KIF9: variants seen among roughly 807,000 people sequenced by gnomAD.
KIF9 encodes kinesin-like protein KIF9.
A neutral mutation model predicts 94.8 loss-of-function variants in KIF9; 68 were observed. The ratio of observed to expected loss-of-function variants is 0.72; its 90% CI spans 0.59 to 0.88. KIF9 has a LOEUF of 0.88. KIF9 is among the 40% of genes least tolerant of loss of function. The pLI is 0.00. For synonymous variants in KIF9, 343 were observed against 362.1 expected (o/e 0.95, Z 0.60); for missense variants, 882 against 982.5 (o/e 0.90, Z 1.37).
chr3:47,262,274 G>GTTT (rs549931720), intron 9 of KIF9, among the ~76,000 whole-genome samples: 1 of 143,774 alleles, frequency 7.0e-6, no homozygotes, highest in Non-Finnish European at 1.5e-5. Context: ...GGGTTTTTTT[G>GTTT]TTTTTTTTTT....
intron 20 of KIF9, among the ~76,000 whole-genome samples, chr3:47,231,114 GA>G (rs1424369289): frequency 1.3e-5 from 2 of 152,108 alleles, no homozygotes; most frequent in Non-Finnish European, 2.9e-5. Context: ...AAGAGATACA[GA>G]GGACAGAATG....
At chr3:47,239,483 G>T in intron 17 of KIF9, 2 of 920,164 alleles carry the variant, frequency 2.2e-6, no homozygotes, top group Non-Finnish European at 2.7e-6. Context: ...CCCGTGGAGG[G>T]CTTTGCCCTC....
chr3:47,282,348 G>C, intron 1 of KIF9, 147 bp downstream of exon 1: 2 of 986,018 alleles, frequency 2.0e-6, no homozygotes, highest in Non-Finnish European at 2.4e-6. Flanking sequence ...GCGACGTCGA[G>C]CCCTCCTTCG....
At position 47,241,661 on chromosome 3, in the gene KIF9, G is replaced by A. The variant is rs1395617340; in HGVS notation, c.1710-646C>T. ...TGTGTGTGTGTGTGTATATATATAT[G>A]TGTGTGTGTGTATATACATATATGC... On this transcript the variant is annotated intron_variant, in intron 16 of 20. Transcript: ENST00000684063. 8.6e-4 allele frequency among the ~76,000 whole-genome samples: 128 copies of A among 148,928 alleles called. 1 individual carries two copies. The highest frequency in any genetic ancestry group is 3.6e-3 in the Middle Eastern group (1 of 278).
intron 14 of KIF9, 170 bp from the exon 15 acceptor site, chr3:47,245,094 A>G (rs1360454091): frequency 6.2e-6 from 5 of 807,132 alleles, no homozygotes; most frequent in Non-Finnish European, 9.5e-6. Context: ...GCGGTCCCTG[A>G]CCACTCTGCC....
chr3:47,271,510 C>A (rs780289821), intron 4 of KIF9, 49 bp from the exon 5 acceptor site: 1 of 1,397,476 alleles, frequency 7.2e-7, no homozygotes, highest in Non-Finnish European at 1.0e-6. Flanking sequence ...CCCCAACAGC[C>A]AACTAGCATA....
In KIF9 at chr3:47,228,357, T is replaced by C; in HGVS notation, c.*295A>G. The C allele has an allele frequency of 2.7e-6, 1 of 368,790 alleles. No individual in the cohort carries two copies. Among genetic ancestry groups the C allele is most frequent in the Non-Finnish European group, 5.1e-6 (1 of 197,538 alleles). The allele number at this position is 368,790 out of a possible 1,614,324, so 22.8% of individuals were successfully genotyped here. On this transcript the variant is annotated 3_prime_UTR_variant, in exon 21 of 21. Coordinates refer to ENST00000684063, the MANE Select transcript of KIF9 (RefSeq NM_182902.4). ...CACACATACATAGAGAATATGTCCT[T>C]TCAGACAGGAAATAAGACAAAGTTC...
At chr3:47,239,500 A>G in intron 17 of KIF9, 3 of 1,011,230 alleles carry the variant, frequency 3.0e-6, no homozygotes, top group Non-Finnish European at 3.6e-6. Flanking sequence ...CCTCAGGAAT[A>G]GCATGTCATA....
At chr3:47,275,512 G>GAA in intron 2 of KIF9, 22 bp from the exon 3 acceptor site, 1 of 1,572,442 alleles carries the variant, frequency 6.4e-7, no homozygotes, top group South Asian at 1.2e-5. Context: ...GAGTGAGAAA[G>GAA]AAAAAAATGT....
intron 10 of KIF9, among the ~76,000 whole-genome samples, chr3:47,256,487 G>A (rs1348847903): frequency 4.0e-5 from 6 of 151,256 alleles, no homozygotes; most frequent in Non-Finnish European, 8.8e-5. Flanking sequence ...GTCAGCCCCC[G>A]CCAGGCCAGC....
chr3:47,264,521 C>T (rs1422813263), intron 8 of KIF9, among the ~76,000 whole-genome samples, 171 bp from the exon 9 acceptor site: 2 of 152,222 alleles, frequency 1.3e-5, no homozygotes, highest in African/African-American at 4.8e-5. Context: ...ACTGCAGCCT[C>T]AGTCTCCTGG....
chr3:47,276,899 C>T (rs1295028214), intron 2 of KIF9, among the ~76,000 whole-genome samples: 1 of 152,128 alleles, frequency 6.6e-6, no homozygotes, highest in Non-Finnish European at 1.5e-5. Flanking sequence ...AGTATTTCTC[C>T]AGCTGTTTTG....
intron 1 of KIF9, among the ~76,000 whole-genome samples, chr3:47,278,072 C>A (rs1025366360): frequency 5.3e-5 from 8 of 151,764 alleles, no homozygotes; most frequent in Admixed American, 4.6e-4. Context: ...GACATATATA[C>A]ATACATTTTT....
intron 9 of KIF9, among the ~76,000 whole-genome samples, chr3:47,258,295 G>C (rs996089055): frequency 6.6e-6 from 1 of 152,038 alleles, no homozygotes; most frequent in Non-Finnish European, 1.5e-5. Flanking sequence ...ATCCAGGTTG[G>C]AGTGCAGTGG....
At chr3:47,249,882 CTACAAAAAT>C (rs1469156683) in intron 10 of KIF9, among the ~76,000 whole-genome samples, 1 of 152,142 alleles carries the variant, frequency 6.6e-6, no homozygotes. Flanking sequence ...AACCTTGTCT[CTACAAAAAT>C]TACAAAAATT....
Position 47,277,386 on chromosome 3 carries a change from AG to A in KIF9, c.-5-8del. The A allele has an allele frequency of 6.3e-7, 1 of 1,597,944 alleles. No individual in the cohort carries two copies. The highest frequency in any genetic ancestry group is 8.6e-7 in the Non-Finnish European group (1 of 1,165,688). Reference sequence around the variant, plus strand: ...TTCCTAGTACCCATTCTAGCTAAAAAGAAGGGAACAATGAAATTTTGAGTAG... The same window carrying A: ...TTCCTAGTACCCATTCTAGCTAAAAAAAGGGAACAATGAAATTTTGAGTAG... On this transcript the variant is annotated splice_polypyrimidine_tract_variant and splice_region_variant and intron_variant, in intron 1 of 20. Transcript: ENST00000684063.
intron 1 of KIF9, chr3:47,282,149 G>T: frequency 1.0e-6 from 1 of 973,306 alleles, no homozygotes. Flanking sequence ...CCTGTAACAC[G>T]AAGGGCTCCG....
chr3:47,234,091 C>T (rs900841076), intron 20 of KIF9, among the ~76,000 whole-genome samples: 8 of 151,550 alleles, frequency 5.3e-5, no homozygotes, highest in African/African-American at 1.9e-4. Flanking sequence ...CCCACCCCCC[C>T]CAAAAAAAAG....
intron 10 of KIF9, among the ~76,000 whole-genome samples, chr3:47,254,784 T>C (rs558688222): frequency 5.3e-5 from 8 of 151,968 alleles, no homozygotes; most frequent in African/African-American, 1.7e-4. Context: ...TAAAAGGGCC[T>C]AAAGAACTTA....
Sources: gnomAD v4.1 joint callset for allele counts (sites outside exome capture counted in the v4.1 genomes callset) on GRCh38, gnomAD v4.1.1 for gene constraint, MANE v1.5 for transcripts, NCBI Gene and HGNC (gene_info 2026-07-23, HGNC 2026-07-21) for gene names.